GRIP1: variants seen among roughly 807,000 people sequenced by gnomAD.
The protein encoded by GRIP1 is glutamate receptor interacting protein 1.
GRIP1 carries 45 observed loss-of-function variants against 129.9 expected under a neutral mutation model. That is an observed-to-expected ratio of 0.35 (90% CI 0.27 to 0.44). The LOEUF (loss-of-function observed/expected upper bound fraction) is 0.44, where lower values mean the gene tolerates loss of function less well. GRIP1 is among the 20% of genes least tolerant of loss of function. The pLI is 1.00. For missense variants in GRIP1, 1,196 were observed against 1,396.8 expected, an observed-to-expected ratio of 0.86 and a Z score of 2.29; for synonymous variants, 530 against 520.8, an observed-to-expected ratio of 1.02 and a Z score of -0.24.
At chr12:66,441,262 A>C (rs1403587833) in intron 13 of GRIP1, among the ~76,000 whole-genome samples, 2 of 152,228 alleles carry the variant, frequency 1.3e-5, no homozygotes, top group Non-Finnish European at 2.9e-5. Flanking sequence ...GGCTTCCAAA[A>C]TGCCACCTTC....
Position 66,348,237 on chromosome 12 carries a change from C to G in GRIP1, c.*782G>C, listed in dbSNP as rs140338954. ...AATAGACTCTTCATTCTCTGAAGTT[C>G]TTAGTCTTGAATTTTAAAAATAAGA... is the stretch of plus-strand genomic sequence containing the variant. On this transcript the variant is annotated 3_prime_UTR_variant, in exon 25 of 25. Coordinates refer to ENST00000359742, the MANE Select transcript of GRIP1 (RefSeq NM_001366722.1). 1 of 152,088 alleles carries G rather than the reference C, an allele frequency of 6.6e-6. No individual in the cohort carries two copies. Among genetic ancestry groups the G allele is most frequent in the East Asian group, 1.9e-4 (1 of 5,178 alleles). The allele number at this position is 152,088 out of a possible 1,614,324, so 9.4% of individuals were successfully genotyped here.
intron 1 of GRIP1, among the ~76,000 whole-genome samples, chr12:67,026,919 T>C (rs983586886): frequency 1.3e-5 from 2 of 152,204 alleles, no homozygotes; most frequent in Non-Finnish European, 2.9e-5. Flanking sequence ...TGTGTGTTTG[T>C]AGTTTTTTGT....
intron 1 of GRIP1, among the ~76,000 whole-genome samples, chr12:66,909,983 T>A (rs997000035): frequency 6.6e-6 from 1 of 152,188 alleles, no homozygotes; most frequent in Non-Finnish European, 1.5e-5. Flanking sequence ...AAGCAGATTA[T>A]AATCAATCAC....
Position 66,698,448 on chromosome 12 carries a change from A to C in GRIP1, c.-419-68112T>G, listed in dbSNP as rs542642123. On this transcript the variant is annotated intron_variant, in intron 1 of 4. Transcript: ENST00000538373. ...TTGCACACAGGATGTAAACACTTGAAAGTTCCACCATGAACCCACATTCTA... is the reference window on the plus strand; with the variant it reads ...TTGCACACAGGATGTAAACACTTGACAGTTCCACCATGAACCCACATTCTA... Among the ~76,000 whole-genome samples the C allele has an allele frequency of 3.3e-5, 5 of 152,310 alleles. No individual in the cohort carries two copies. In the South Asian group the frequency reaches 1.0e-3, roughly 32 times the overall value.
intron 2 of GRIP1, among the ~76,000 whole-genome samples, chr12:66,571,956 G>C (rs185699853): frequency 4.8e-4 from 73 of 152,304 alleles, no homozygotes; most frequent in African/African-American, 1.6e-3. Flanking sequence ...GATGAATGCA[G>C]AAGTAGGGCT....
chr12:66,400,179 A>G lies in GRIP1; in HGVS notation c.1985-5827T>C, dbSNP rs572165844. ...GCATTTGACTGAGAATCCCTACCCCACAGACCAACAGGAATGGGAACTCTG... is the reference window on the plus strand; with the variant it reads ...GCATTTGACTGAGAATCCCTACCCCGCAGACCAACAGGAATGGGAACTCTG... On this transcript the variant is annotated intron_variant, in intron 16 of 24. Coordinates refer to ENST00000359742, the MANE Select transcript of GRIP1 (RefSeq NM_001366722.1). 1.1e-4 allele frequency among the ~76,000 whole-genome samples: 17 copies of G among 152,030 alleles called. No homozygotes were observed. In the South Asian group the frequency reaches 3.5e-3, roughly 32 times the overall value.
At chr12:67,018,382 A>G (rs1205611665) in intron 1 of GRIP1, among the ~76,000 whole-genome samples, 1 of 152,134 alleles carries the variant, frequency 6.6e-6, no homozygotes, top group Non-Finnish European at 1.5e-5. Context: ...CCTCTCGCAC[A>G]TGCACCTTTA....
intron 1 of GRIP1, among the ~76,000 whole-genome samples, chr12:66,715,256 G>C (rs1252871097): frequency 6.6e-6 from 1 of 151,922 alleles, no homozygotes; most frequent in Non-Finnish European, 1.5e-5. Context: ...CTGCCCCCTT[G>C]GACAGTACTT....
chr12:67,020,688 A>G (rs1223841591), intron 1 of GRIP1, among the ~76,000 whole-genome samples: 1 of 152,180 alleles, frequency 6.6e-6, no homozygotes, highest in South Asian at 2.1e-4. Flanking sequence ...TATAGGCAAG[A>G]AAAGCACATT....
At chr12:66,389,550 A>G (rs1264184135) in intron 19 of GRIP1, among the ~76,000 whole-genome samples, 1 of 151,978 alleles carries the variant, frequency 6.6e-6, no homozygotes, top group Non-Finnish European at 1.5e-5. Flanking sequence ...TAAAAAGTCA[A>G]CCTCACAAGC....
chr12:66,586,065 T>C (rs941767057), intron 2 of GRIP1, among the ~76,000 whole-genome samples: 1 of 152,192 alleles, frequency 6.6e-6, no homozygotes, highest in Non-Finnish European at 1.5e-5. Context: ...ATAGACCACA[T>C]GCTCCCTCTG....
At chr12:66,581,742 C>T (rs1258757438) in intron 2 of GRIP1, among the ~76,000 whole-genome samples, 2 of 152,106 alleles carry the variant, frequency 1.3e-5, no homozygotes, top group Admixed American at 6.5e-5. Flanking sequence ...ATAACAGGAG[C>T]TGAAATTGTG....
At chr12:67,060,595 C>A (rs1241400413) in intron 1 of GRIP1, among the ~76,000 whole-genome samples, 1 of 151,980 alleles carries the variant, frequency 6.6e-6, no homozygotes, top group East Asian at 1.9e-4. Flanking sequence ...CCAAGGCAGG[C>A]AGATCACCTG....
At chr12:66,502,922 T>C (rs2060429901) in intron 7 of GRIP1, among the ~76,000 whole-genome samples, 1 of 152,062 alleles carries the variant, frequency 6.6e-6, no homozygotes, top group South Asian at 2.1e-4. Context: ...AAATGAACAA[T>C]TAGCATATTA....
intron 1 of GRIP1, among the ~76,000 whole-genome samples, chr12:66,792,174 C>G (rs1592850509): frequency 6.6e-6 from 1 of 152,188 alleles, no homozygotes; most frequent in Non-Finnish European, 1.5e-5. Context: ...AAATGATACA[C>G]TTTACTACGA....
intron 1 of GRIP1, among the ~76,000 whole-genome samples, chr12:66,975,822 A>G (rs2042142692): frequency 6.6e-6 from 1 of 152,192 alleles, no homozygotes; most frequent in African/African-American, 2.4e-5. Flanking sequence ...TGTAGTAGTC[A>G]ATGGACACAG....
intron 1 of GRIP1, among the ~76,000 whole-genome samples, chr12:66,855,983 T>C (rs1424340493): frequency 2.0e-5 from 3 of 149,626 alleles, no homozygotes; most frequent in Non-Finnish European, 3.0e-5. Flanking sequence ...ATAATAAAAA[T>C]TAAAAAAAAG....
At chr12:66,673,269 G>A (rs1355225313) in intron 1 of GRIP1, among the ~76,000 whole-genome samples, 1 of 152,162 alleles carries the variant, frequency 6.6e-6, no homozygotes. Flanking sequence ...CATGTAAAAT[G>A]TTTAGAATAG....
intron 1 of GRIP1, among the ~76,000 whole-genome samples, chr12:66,886,684 C>T (rs969570463): frequency 4.6e-5 from 7 of 152,078 alleles, no homozygotes; most frequent in African/African-American, 1.7e-4. Context: ...GGTGACAGTA[C>T]TAAGCAAAAA....
Sources: allele counts gnomAD v4.1 joint callset (sites outside exome capture counted in the v4.1 genomes callset), GRCh38; gene constraint gnomAD v4.1.1; transcripts MANE v1.5; gene names NCBI Gene and HGNC (gene_info 2026-07-23, HGNC 2026-07-21).